Variants in SLC4A4 observed in about 807,000 individuals in gnomAD.
The protein encoded by SLC4A4 is solute carrier family 4 member 4, also known as electrogenic sodium bicarbonate cotransporter 1.
In SLC4A4, 27 loss-of-function variants were observed where a neutral mutation model predicts 111.5. The ratio of observed to expected loss-of-function variants is 0.24; its 90% confidence interval spans 0.18 to 0.33. The LOEUF (loss-of-function observed/expected upper bound fraction) is 0.33, where lower values mean the gene tolerates loss of function less well. Ranked by LOEUF, SLC4A4 falls within the 10% of genes least tolerant of loss-of-function variation. SLC4A4 has a pLI of 1.00. For missense variants in SLC4A4, 909 were observed against 1,315.5 expected (o/e 0.69, Z 4.78); for synonymous variants, 443 against 463.4 (o/e 0.96, Z 0.57).
intron 6 of SLC4A4, among the ~76,000 whole-genome samples, chr4:71,364,558 C>T (rs1405324640): frequency 6.6e-6 from 1 of 152,084 alleles, no homozygotes; most frequent in African/African-American, 2.4e-5. Context: ...ATAGATGGTG[C>T]GTTCTATGGA....
chr4:71,502,870 C>T (rs963279165), intron 16 of SLC4A4, among the ~76,000 whole-genome samples: 6 of 152,036 alleles, frequency 3.9e-5, no homozygotes, highest in African/African-American at 1.4e-4. Context: ...CAACTGAAGT[C>T]CAATGTTCCT....
At chr4:71,265,292 A>G (rs1012725140) in intron 3 of SLC4A4, among the ~76,000 whole-genome samples, 1 of 152,178 alleles carries the variant, frequency 6.6e-6, no homozygotes, top group East Asian at 1.9e-4. Flanking sequence ...TAAAAGGCTC[A>G]TACAAGTTCA....
At chr4:71,068,967 A>T (rs1006752528) in intron 1 of SLC4A4, among the ~76,000 whole-genome samples, 1 of 152,204 alleles carries the variant, frequency 6.6e-6, no homozygotes, top group African/African-American at 2.4e-5. Flanking sequence ...TTTTGTCATG[A>T]CATATATGAC....
intron 6 of SLC4A4, among the ~76,000 whole-genome samples, chr4:71,371,876 C>T (rs1731924833): frequency 6.6e-6 from 1 of 152,158 alleles, no homozygotes; most frequent in Non-Finnish European, 1.5e-5. Flanking sequence ...CTTGATACTC[C>T]ATCATTTCAT....
At chr4:71,245,663 C>T (rs531336002) in intron 2 of SLC4A4, among the ~76,000 whole-genome samples, 23 of 151,936 alleles carry the variant, frequency 1.5e-4, no homozygotes, top group African/African-American at 5.3e-4. Context: ...ACTCTGAAGC[C>T]GGTAGTTGAC....
Position 71,268,449 on chromosome 4 carries a change from C to T in SLC4A4, c.253+13050C>T, listed in dbSNP as rs186182927. Among the ~76,000 whole-genome samples the T allele has an allele frequency of 1.3e-4, 20 of 152,236 alleles. No homozygotes were observed. In the East Asian group the frequency reaches 3.3e-3, roughly 25 times the overall value. On this transcript the variant is annotated intron_variant, in intron 3 of 25. Coordinates refer to ENST00000264485, the MANE Select transcript of SLC4A4 (RefSeq NM_001098484.3). ...ATCCAAAATGACTTTACATATGTCA[C>T]CAGAGCATGGAAGTGTTTATGGCGA...
chr4:71,250,802 G>A (rs971668226), intron 2 of SLC4A4, among the ~76,000 whole-genome samples: 2 of 152,168 alleles, frequency 1.3e-5, no homozygotes, highest in African/African-American at 4.8e-5. Context: ...TAGTGATGAA[G>A]CACTGTACTA....
intron 3 of SLC4A4, among the ~76,000 whole-genome samples, chr4:71,335,885 T>C (rs1728400760): frequency 6.6e-6 from 1 of 152,200 alleles, no homozygotes; most frequent in South Asian, 2.1e-4. Context: ...TGTATCAGTA[T>C]GTACTCAATT....
At chr4:71,525,288 CTAAT>C (rs1446863982) in intron 16 of SLC4A4, among the ~76,000 whole-genome samples, 2 of 152,042 alleles carry the variant, frequency 1.3e-5, no homozygotes, top group African/African-American at 4.8e-5. Flanking sequence ...GAGATACTGT[CTAAT>C]TAATCCCGCA....
At chr4:71,089,027 C>G (rs2148939276) in intron 1 of SLC4A4, among the ~76,000 whole-genome samples, 2 of 152,230 alleles carry the variant, frequency 1.3e-5, no homozygotes, top group South Asian at 4.1e-4. Context: ...TTCTGTCTGT[C>G]ACTTTCGGTA....
At chr4:71,243,925 A>G (rs957469052) in intron 2 of SLC4A4, among the ~76,000 whole-genome samples, 1 of 152,178 alleles carries the variant, frequency 6.6e-6, no homozygotes, top group Non-Finnish European at 1.5e-5. Flanking sequence ...TGGAATGCTC[A>G]GTAACTTTTA....
intron 16 of SLC4A4, among the ~76,000 whole-genome samples, chr4:71,500,998 C>G (rs575005926): frequency 2.0e-5 from 3 of 152,090 alleles, no homozygotes; most frequent in Non-Finnish European, 4.4e-5. Context: ...TAAAACATAT[C>G]ATTGGAATTT....
At position 71,255,288 on chromosome 4, in the gene SLC4A4, AAGAC is replaced by A; in HGVS notation, c.145_148del (p.Thr49GlyfsTer32). ...CAGGAGAAGGAGACGTCACAAGAGA[AAGAC>A]AGGGCACAAAGAAAAGAAGGAAAAG... On this transcript the variant is annotated frameshift_variant, in exon 3 of 26. Coordinates refer to ENST00000264485, the MANE Select transcript of SLC4A4 (RefSeq NM_001098484.3). LOFTEE classifies it high-confidence loss of function. The A allele has an allele frequency of 6.2e-7, 1 of 1,613,566 alleles. No individual in the cohort carries two copies. Among genetic ancestry groups the A allele is most frequent in the Non-Finnish European group, 8.5e-7 (1 of 1,179,594 alleles).
At chr4:71,330,152 G>A (rs1019174735) in intron 3 of SLC4A4, among the ~76,000 whole-genome samples, 3 of 152,098 alleles carry the variant, frequency 2.0e-5, no homozygotes, top group Non-Finnish European at 4.4e-5. Flanking sequence ...GCATCCCTGG[G>A]ATAAATTTCA....
At chr4:71,185,817 T>C (rs1299754972), upstream of SLC4A4, among the ~76,000 whole-genome samples, 7 of 152,200 alleles carry the variant, frequency 4.6e-5, no homozygotes, top group African/African-American at 1.7e-4. Flanking sequence ...TAGCTTTGTA[T>C]TGAAGAAATA....
chr4:71,218,936 C>A (rs4521314), intron 1 of SLC4A4, among the ~76,000 whole-genome samples: 21,079 of 152,092 alleles, frequency 0.14, 1,705 homozygotes, highest in South Asian at 0.35. Context: ...ACTATGCTGT[C>A]ACTGGGAACA....
At chr4:71,382,954 TCTTTAC>T (rs1314226891) in intron 6 of SLC4A4, among the ~76,000 whole-genome samples, 2 of 152,232 alleles carry the variant, frequency 1.3e-5, no homozygotes, top group Admixed American at 6.5e-5. Flanking sequence ...TTTGCTTTTC[TCTTTAC>T]CTTGGTTCAG....
In SLC4A4 at chr4:71,514,981, G is replaced by A. The variant is rs1191343280; in HGVS notation, c.2167-17081G>A. Among the ~76,000 whole-genome samples, 3 of 151,896 alleles carry A rather than the reference G, an allele frequency of 2.0e-5. No homozygotes were observed. The East Asian group carries it at 5.8e-4, about 29-fold the overall frequency. ...CTTTGTATTTTTTTAGTCTGTATTT[G>A]TTAGTTCTGCTCTGATCTTTATTAT... is the stretch of plus-strand genomic sequence containing the variant. On this transcript the variant is annotated intron_variant, in intron 16 of 25. Coordinates refer to ENST00000264485, the MANE Select transcript of SLC4A4 (RefSeq NM_001098484.3).
At chr4:71,440,044 A>G (rs1375353928) in intron 7 of SLC4A4, among the ~76,000 whole-genome samples, 1 of 151,734 alleles carries the variant, frequency 6.6e-6, no homozygotes, top group Non-Finnish European at 1.5e-5. Flanking sequence ...TTTGGCCTAG[A>G]ATGTTCTTTC....
Sources: allele counts gnomAD v4.1 joint callset (sites outside exome capture counted in the v4.1 genomes callset), GRCh38; gene constraint gnomAD v4.1.1; transcripts MANE v1.5; gene names NCBI Gene and HGNC (gene_info 2026-07-23, HGNC 2026-07-21).